Variants in HK2 observed in about 807,000 individuals in gnomAD.
HK2 encodes hexokinase 2.
Under a neutral mutation model 92.9 loss-of-function variants are expected in HK2, and 42 were observed. That is an observed-to-expected ratio of 0.45 (90% CI 0.35 to 0.58). The LOEUF (loss-of-function observed/expected upper bound fraction) is 0.58, where lower values mean the gene tolerates loss of function less well. HK2 is among the 20% of genes least tolerant of loss of function. The probability of loss-of-function intolerance (pLI) is 0.00; values close to 1 mark genes in which losing one functional copy is unlikely to be tolerated. For missense variants in HK2, 978 were observed against 1,245.1 expected (o/e 0.79, Z 3.23); for synonymous variants, 422 against 468.0 (o/e 0.90, Z 1.27).
chr2:74,872,224 T>A, intron 3 of HK2, 76 bp from the exon 4 acceptor site: 1 of 1,500,870 alleles, frequency 6.7e-7, no homozygotes, highest in Non-Finnish European at 9.3e-7. Flanking sequence ...AGTTACGTGC[T>A]GAGCCTGAAG....
chr2:74,864,090 A>T (rs1015115635), intron 2 of HK2, among the ~76,000 whole-genome samples: 1 of 152,204 alleles, frequency 6.6e-6, no homozygotes, highest in African/African-American at 2.4e-5. Context: ...TGGCCACCCT[A>T]CATGGCCCTG....
At chr2:74,861,742 A>G (rs964287325) in intron 2 of HK2, among the ~76,000 whole-genome samples, 5 of 152,238 alleles carry the variant, frequency 3.3e-5, no homozygotes, top group African/African-American at 1.2e-4. Flanking sequence ...GATCCTAAAT[A>G]CGAGTTGGCT....
intron 1 of HK2, among the ~76,000 whole-genome samples, chr2:74,837,982 C>T (rs1328564452): frequency 6.6e-6 from 1 of 152,094 alleles, no homozygotes; most frequent in African/African-American, 2.4e-5. Context: ...CCTGCCCTTG[C>T]CATTTTTGTG....
chr2:74,886,698 T>C, intron 15 of HK2, 25 bp downstream of exon 15: 1 of 1,612,034 alleles, frequency 6.2e-7, no homozygotes, highest in Non-Finnish European at 8.5e-7. Flanking sequence ...GGGGCCCTGT[T>C]AAGTGTATCC....
intron 3 of HK2, among the ~76,000 whole-genome samples, chr2:74,869,515 G>A (rs1238119267): frequency 6.6e-6 from 1 of 152,174 alleles, no homozygotes; most frequent in Non-Finnish European, 1.5e-5. Context: ...GTGAACCTGG[G>A]CAATGGGGGT....
In HK2 at chr2:74,882,361, G is replaced by A. The variant is rs565791703; in HGVS notation, c.1839+122G>A. 56 of 1,440,426 alleles carry A rather than the reference G, an allele frequency of 3.9e-5. No homozygotes were observed. The African/African-American group carries it at 4.5e-4, about 12-fold the overall frequency. The allele number at this position is 1,440,426 out of a possible 1,614,324, so 89.2% of individuals were successfully genotyped here. A position where few individuals can be genotyped will look rare whatever the true frequency, so the allele number is the denominator to read the frequency against. On this transcript the variant is annotated intron_variant, in intron 12 of 17. Coordinates refer to ENST00000290573, the MANE Select transcript of HK2 (RefSeq NM_000189.5). ...AAGGAAAGGAGGGCGTGAGTTACCA[G>A]TAGTGGGGAGGGGCTCCTTGATGGG...
intron 1 of HK2, among the ~76,000 whole-genome samples, chr2:74,838,317 G>A (rs989795111): frequency 1.3e-5 from 2 of 152,148 alleles, no homozygotes; most frequent in African/African-American, 4.8e-5. Context: ...GGAAGTGGAG[G>A]AGCTGGGCAG....
At chr2:74,861,969 C>G (rs1688842690) in intron 2 of HK2, among the ~76,000 whole-genome samples, 1 of 152,208 alleles carries the variant, frequency 6.6e-6, no homozygotes, top group African/African-American at 2.4e-5. Context: ...ATTATGTTCA[C>G]AGGTAAGTAT....
chr2:74,851,688 A>G (rs563718994), intron 1 of HK2, among the ~76,000 whole-genome samples: 39 of 152,252 alleles, frequency 2.6e-4, no homozygotes, highest in African/African-American at 9.4e-4. Context: ...CGGGGGCACC[A>G]AGAAGCTTCT....
intron 1 of HK2, among the ~76,000 whole-genome samples, chr2:74,838,699 C>G (rs948312906): frequency 2.0e-5 from 3 of 151,394 alleles, no homozygotes; most frequent in African/African-American, 7.3e-5. Flanking sequence ...CCACCATGCC[C>G]GGGTATTTTT....
intron 8 of HK2, among the ~76,000 whole-genome samples, chr2:74,878,273 ACTGT>A (rs1268998549): frequency 1.3e-5 from 2 of 152,204 alleles, no homozygotes; most frequent in Non-Finnish European, 2.9e-5. Context: ...CAGCAGAGAC[ACTGT>A]CTGTCTCCCC....
At chr2:74,890,768 T>C in intron 17 of HK2, 29 bp from the exon 18 acceptor site, 1 of 1,614,032 alleles carries the variant, frequency 6.2e-7, no homozygotes, top group Non-Finnish European at 8.5e-7. Flanking sequence ...AAGATGGTTT[T>C]TCCTGTGTCT....
intron 8 of HK2, among the ~76,000 whole-genome samples, 184 bp from the exon 9 acceptor site, chr2:74,878,504 A>G (rs145579193): frequency 1.1e-3 from 167 of 151,230 alleles, no homozygotes; most frequent in African/African-American, 3.9e-3. Flanking sequence ...TGGCTGTGCT[A>G]TATTTTGCAC....
chr2:74,857,356 G>A (rs964059040), intron 2 of HK2, among the ~76,000 whole-genome samples: 4 of 152,320 alleles, frequency 2.6e-5, no homozygotes, highest in African/African-American at 9.6e-5. Flanking sequence ...GTGTTCATTG[G>A]ATGGTGTCTT....
At chr2:74,884,370 C>T (rs1689471940) in intron 12 of HK2, among the ~76,000 whole-genome samples, 1 of 152,248 alleles carries the variant, frequency 6.6e-6, no homozygotes, top group South Asian at 2.1e-4. Flanking sequence ...CCCCAGGGCT[C>T]TGTGGCCCCC....
chr2:74,873,184 A>C (rs1689139799), intron 4 of HK2, 92 bp from the exon 5 acceptor site: 1 of 934,846 alleles, frequency 1.1e-6, no homozygotes, highest in African/African-American at 1.6e-5. Flanking sequence ...CCCCAGTGGC[A>C]GAGGTCTCTG....
chr2:74,887,937 G>T lies in HK2; in HGVS notation c.2254G>T (p.Glu752Ter). The T allele has an allele frequency of 1.2e-6, 2 of 1,614,090 alleles. No individual in the cohort carries two copies. Among genetic ancestry groups the T allele is most frequent in the Non-Finnish European group, 1.7e-6 (2 of 1,180,000 alleles). ...AATGATCAGTGGAATGTACCTGGGT[G>T]AGATTGTCCGTAACATTCTCATCGA... ...EKMISGMYLG[E>*]IVRNILIDFT... The change falls in exon 16 of 18, where the codon GAG becomes TAG. Residue 752 changes from glutamate to a stop codon, truncating the protein, a stop_gained. Coordinates refer to ENST00000290573, the MANE Select transcript of HK2 (RefSeq NM_000189.5). LOFTEE classifies it high-confidence loss of function.
intron 1 of HK2, 45 bp from the exon 2 acceptor site, chr2:74,854,248 T>G (rs1456176663): frequency 6.3e-7 from 1 of 1,593,078 alleles, no homozygotes; most frequent in Non-Finnish European, 8.6e-7. Context: ...TATGCCATAA[T>G]TTATTTAACC....
Position 74,889,376 on chromosome 2 carries a change from C to T in HK2, c.2507C>T (p.Ala836Val), listed in dbSNP as rs1262740150. Residue 836 changes from alanine (A) to valine (V), a missense_variant, in exon 17 of 18, where the codon GCA (alanine) becomes GTA (valine). Around this residue, in one of 3 missense-constraint regions of HK2, gnomAD observed 742 missense variants for 922.5 expected, o/e 0.80. Coordinates refer to ENST00000290573, the MANE Select transcript of HK2 (RefSeq NM_000189.5). ...VARRAAQLCG[A>V]GMAAVVDRIR... ...CGGCGGGCAGCCCAGCTCTGTGGCG[C>T]AGGCATGGCCGCTGTGGTGGACAGG... The T allele has an allele frequency of 6.2e-7, 1 of 1,614,208 alleles. No homozygotes were observed. The highest frequency in any genetic ancestry group is 8.5e-7 in the Non-Finnish European group (1 of 1,180,036).
Sources: gnomAD v4.1 joint callset for allele counts (sites outside exome capture counted in the v4.1 genomes callset) on GRCh38, gnomAD v4.1.1 for gene constraint, gnomAD v4.1.1 regional missense constraint, MANE v1.5 for transcripts, NCBI Gene and HGNC (gene_info 2026-07-23, HGNC 2026-07-21) for gene names.